Variants in CNTN3 observed in about 807,000 individuals in gnomAD.
CNTN3 encodes contactin 3, also known as contactin-3.
In CNTN3, 60 loss-of-function variants were observed where a neutral mutation model predicts 119.1. The ratio of observed to expected loss-of-function variants is 0.50; its 90% CI spans 0.41 to 0.62. The LOEUF is 0.62. Among genes scored for constraint, CNTN3 ranks in the 20% least tolerant of loss-of-function variants. The probability of loss-of-function intolerance (pLI) is 0.00; values close to 1 mark genes in which losing one functional copy is unlikely to be tolerated. For missense variants in CNTN3, 1,101 were observed against 1,242.4 expected, an observed-to-expected ratio of 0.89 and a Z score of 1.71; for synonymous variants, 450 against 438.7, an observed-to-expected ratio of 1.03 and a Z score of -0.32.
chr3:74,429,967 A>G (rs182754004), intron 4 of CNTN3, among the ~76,000 whole-genome samples: 185 of 152,300 alleles, frequency 1.2e-3, no homozygotes, highest in Middle Eastern at 6.8e-3. Context: ...CCTAAAAACA[A>G]AAAACAAAAC....
At chr3:74,314,859 A>T in intron 13 of CNTN3, among the ~76,000 whole-genome samples, 1 of 152,200 alleles carries the variant, frequency 6.6e-6, no homozygotes, top group East Asian at 1.9e-4. Flanking sequence ...TTTGAATCAG[A>T]GTGACTCCAC....
intron 5 of CNTN3, among the ~76,000 whole-genome samples, chr3:74,410,735 A>G (rs754848215): frequency 1.3e-5 from 2 of 152,120 alleles, no homozygotes; most frequent in Non-Finnish European, 2.9e-5. Context: ...CTGAAGATCA[A>G]TGATTACAGA....
chr3:74,331,232 G>A (rs1703257088), intron 13 of CNTN3, among the ~76,000 whole-genome samples: 1 of 152,072 alleles, frequency 6.6e-6, no homozygotes, highest in Non-Finnish European at 1.5e-5. Context: ...AATCCTTTAT[G>A]CCGTATTTTT....
chr3:74,476,210 G>A (rs932438012), intron 4 of CNTN3, among the ~76,000 whole-genome samples: 3 of 152,148 alleles, frequency 2.0e-5, no homozygotes, highest in Non-Finnish European at 4.4e-5. Flanking sequence ...TTATTTGATT[G>A]AGGAAAATGT....
chr3:74,267,343 CA>C lies in CNTN3; in HGVS notation c.2739del (p.Asn913LysfsTer23), dbSNP rs1386963156. ...TTAAGTAACACTTTAGTGTCTGTGG[CA>C]TTCCAAACAACATTTCCTGGTGGCT... ...PSQPPGNVVW[N>X]ATDTKVLLNW... On this transcript the variant is annotated frameshift_variant, in exon 21 of 23. Transcript: ENST00000263665. LOFTEE classifies it high-confidence loss of function. 2.5e-6 allele frequency: 4 copies of C among 1,613,240 alleles called. No homozygotes were observed. The highest frequency in any genetic ancestry group is 3.4e-6 in the Non-Finnish European group (4 of 1,179,386).
chr3:74,613,944 G>T (rs370790576), intron 1 of CNTN3, among the ~76,000 whole-genome samples: 3 of 152,292 alleles, frequency 2.0e-5, no homozygotes, highest in African/African-American at 7.2e-5. Flanking sequence ...TGAAAGAATC[G>T]GCCACCCTAG....
At chr3:74,607,873 G>A (rs1047180661) in intron 1 of CNTN3, among the ~76,000 whole-genome samples, 1 of 152,116 alleles carries the variant, frequency 6.6e-6, no homozygotes, top group African/African-American at 2.4e-5. Flanking sequence ...CTCTACATGG[G>A]ATAAAACCGT....
At chr3:74,566,124 A>G (rs539399154) in intron 1 of CNTN3, among the ~76,000 whole-genome samples, 16 of 152,290 alleles carry the variant, frequency 1.1e-4, no homozygotes, top group Admixed American at 8.5e-4. Flanking sequence ...AGGCTCAGGT[A>G]TGGCTTTATG....
chr3:74,343,291 A>G (rs1703594023), intron 11 of CNTN3, among the ~76,000 whole-genome samples: 2 of 152,350 alleles, frequency 1.3e-5, no homozygotes, highest in Middle Eastern at 3.4e-3. Flanking sequence ...GAACAGCAAA[A>G]TACGTCCACT....
intron 4 of CNTN3, among the ~76,000 whole-genome samples, chr3:74,442,145 G>GTACACA (rs1701976145): frequency 9.8e-6 from 1 of 102,410 alleles, no homozygotes; most frequent in African/African-American, 4.8e-5. Context: ...GTGCATGCAA[G>GTACACA]TACACACACA....
At chr3:74,431,089 C>T (rs1701775958) in intron 4 of CNTN3, among the ~76,000 whole-genome samples, 1 of 152,118 alleles carries the variant, frequency 6.6e-6, no homozygotes, top group Admixed American at 6.6e-5. Context: ...TGGACCATTT[C>T]TGGTGTATAA....
intron 1 of CNTN3, among the ~76,000 whole-genome samples, chr3:74,556,474 A>G (rs1199513812): frequency 6.6e-6 from 1 of 152,108 alleles, no homozygotes; most frequent in Non-Finnish European, 1.5e-5. Context: ...ATGTTAGTAA[A>G]TTTTGTTTTG....
chr3:74,474,230 G>T (rs1331654347), intron 4 of CNTN3, among the ~76,000 whole-genome samples: 1 of 152,098 alleles, frequency 6.6e-6, no homozygotes, highest in East Asian at 1.9e-4. Context: ...AATAGATGTG[G>T]AATACGAGAG....
At chr3:74,561,675 T>C (rs1393613153) in intron 1 of CNTN3, among the ~76,000 whole-genome samples, 21 of 152,176 alleles carry the variant, frequency 1.4e-4, no homozygotes, top group Admixed American at 1.4e-3. Context: ...AATTATTCCT[T>C]GGATTTATGA....
At chr3:74,293,159 C>A (rs1702268540) in intron 19 of CNTN3, among the ~76,000 whole-genome samples, 1 of 152,164 alleles carries the variant, frequency 6.6e-6, no homozygotes, top group Admixed American at 6.5e-5. Context: ...AAGACCTAGT[C>A]CTAAATGTTT....
chr3:74,299,992 A>G (rs1702421753), intron 16 of CNTN3, 54 bp from the exon 17 acceptor site: 1 of 1,140,538 alleles, frequency 8.8e-7, no homozygotes, highest in East Asian at 2.6e-5. Context: ...AGTAATATTT[A>G]TCTAAAAGAT....
intron 11 of CNTN3, among the ~76,000 whole-genome samples, chr3:74,350,912 G>A (rs1703797657): frequency 6.6e-6 from 1 of 152,082 alleles, no homozygotes; most frequent in Non-Finnish European, 1.5e-5. Context: ...AACAGACTTT[G>A]GGGACTCCAA....
At chr3:74,488,076 C>T (rs1433018458) in intron 3 of CNTN3, among the ~76,000 whole-genome samples, 1 of 150,038 alleles carries the variant, frequency 6.7e-6, no homozygotes, top group Non-Finnish European at 1.5e-5. Context: ...TAATTATGTA[C>T]TAAGTGTATT....
Position 74,361,966 on chromosome 3 carries a change from C to A in CNTN3, c.1288G>T (p.Asp430Tyr), listed in dbSNP as rs1244481906. Residue 430 changes from aspartate (D) to tyrosine (Y), a missense_variant, in exon 11 of 23, where the codon GAT becomes TAT. By Grantham distance (160) the Asp-to-Tyr change is radical (BLOSUM62 -3). Coordinates refer to ENST00000263665, the MANE Select transcript of CNTN3 (RefSeq NM_020872.3). The part of the protein sequence containing the change: ...QVQVGSLVSL[D>Y]CKPRASPRAL... ...CTTGGGGAGGCTCTGGGTTTACAAT[C>A]CAAGCTGACCAGGCTGCCCACCTGC... 3 of 1,613,854 alleles carry A rather than the reference C, an allele frequency of 1.9e-6. No individual in the cohort carries two copies. Among genetic ancestry groups the A allele is most frequent in the Non-Finnish European group, 2.5e-6 (3 of 1,179,840 alleles).
Sources: allele counts gnomAD v4.1 joint callset (sites outside exome capture counted in the v4.1 genomes callset), GRCh38; gene constraint gnomAD v4.1.1; transcripts MANE v1.5; gene names NCBI Gene and HGNC (gene_info 2026-07-23, HGNC 2026-07-21).